The following EAF2 variants were observed in gnomAD, a reference collection of about 807,000 sequenced individuals.
EAF2 encodes ELL-associated factor 2.
In EAF2, 29 loss-of-function variants were observed where a neutral mutation model predicts 29.4. The observed-to-expected ratio is 0.99, with a 90% CI of 0.73 to 1.35. EAF2 has a LOEUF of 1.35. EAF2 is among the 40% of genes most tolerant of loss of function. The pLI is 0.00. For missense variants in EAF2, 292 were observed against 312.0 expected (o/e 0.94, Z 0.48); for synonymous variants, 103 against 102.5 (o/e 1.00, Z -0.03).
intron 2 of EAF2, among the ~76,000 whole-genome samples, chr3:121,848,163 G>A (rs901363585): frequency 1.3e-5 from 2 of 152,144 alleles, no homozygotes; most frequent in South Asian, 2.1e-4. Context: ...TAGAAAAGAT[G>A]CATTTTGGAC....
chr3:121,840,900 G>A (rs1708409401), intron 1 of EAF2, among the ~76,000 whole-genome samples: 1 of 151,678 alleles, frequency 6.6e-6, no homozygotes, highest in Admixed American at 6.6e-5. Flanking sequence ...GAATGGAGAA[G>A]AAATTGAGAT....
At chr3:121,859,480 T>C (rs1576646899) in intron 4 of EAF2, among the ~76,000 whole-genome samples, 3 of 152,294 alleles carry the variant, frequency 2.0e-5, no homozygotes, top group African/African-American at 7.2e-5. Context: ...TTGTTTGTTA[T>C]TGGTGTATAG....
chr3:121,855,088 T>C (rs1708696672), intron 3 of EAF2, among the ~76,000 whole-genome samples: 1 of 152,208 alleles, frequency 6.6e-6, no homozygotes, highest in South Asian at 2.1e-4. Context: ...TAGATACTTC[T>C]GTATAACTGG....
At chr3:121,848,482 G>A (rs1708569961) in intron 2 of EAF2, among the ~76,000 whole-genome samples, 1 of 152,058 alleles carries the variant, frequency 6.6e-6, no homozygotes. Context: ...GAGCATTAAG[G>A]GAATGCAGCA....
chr3:121,843,974 C>G (rs1708477355), intron 1 of EAF2, among the ~76,000 whole-genome samples: 1 of 151,894 alleles, frequency 6.6e-6, no homozygotes, highest in South Asian at 2.1e-4. Flanking sequence ...GAATGACAGA[C>G]AAGTGGTAGT....
chr3:121,856,232 G>A (rs1422723106), intron 3 of EAF2, among the ~76,000 whole-genome samples: 4 of 151,780 alleles, frequency 2.6e-5, no homozygotes, highest in East Asian at 1.9e-4. Flanking sequence ...TAGAACTTAC[G>A]GAATATATCG....
chr3:121,880,995 TG>T (rs1709183569), intron 5 of EAF2, among the ~76,000 whole-genome samples: 1 of 152,242 alleles, frequency 6.6e-6, no homozygotes, highest in African/African-American at 2.4e-5. Context: ...ATATGGTTTT[TG>T]TCCTTCATTA....
intron 4 of EAF2, among the ~76,000 whole-genome samples, chr3:121,859,278 G>C (rs774598934): frequency 6.6e-6 from 1 of 152,022 alleles, no homozygotes; most frequent in Non-Finnish European, 1.5e-5. Flanking sequence ...CCATTTTCAC[G>C]ATATTGACTC....
intron 5 of EAF2, among the ~76,000 whole-genome samples, chr3:121,881,698 A>T (rs1308644791): frequency 6.6e-6 from 1 of 151,882 alleles, no homozygotes; most frequent in Non-Finnish European, 1.5e-5. Context: ...TTTAGTAGAG[A>T]TGGGGTTTCA....
At chr3:121,875,245 T>G (rs981951344) in intron 5 of EAF2, among the ~76,000 whole-genome samples, 5 of 151,642 alleles carry the variant, frequency 3.3e-5, no homozygotes, top group Non-Finnish European at 5.9e-5. Flanking sequence ...AAAAGGAGAC[T>G]GGAAGAAATA....
Position 121,870,531 on chromosome 3 carries a change from C to T in EAF2, c.485-2006C>T, listed in dbSNP as rs562465981. Among the ~76,000 whole-genome samples the T allele has an allele frequency of 3.9e-5, 6 of 152,108 alleles. No homozygotes were observed. In the South Asian group the frequency reaches 8.3e-4, roughly 21 times the overall value. Reference sequence around the variant, plus strand: ...ACTTTTGAGAAGGTTACACTTAAACCGATTCAAGAAGGAGCCAGCCTTTCA... The same window carrying T: ...ACTTTTGAGAAGGTTACACTTAAACTGATTCAAGAAGGAGCCAGCCTTTCA... On this transcript the variant is annotated intron_variant, in intron 4 of 5. Coordinates refer to ENST00000273668, the MANE Select transcript of EAF2 (RefSeq NM_018456.6).
intron 4 of EAF2, among the ~76,000 whole-genome samples, chr3:121,860,161 A>T (rs1015844522): frequency 2.0e-5 from 3 of 152,124 alleles, no homozygotes; most frequent in Non-Finnish European, 4.4e-5. Context: ...CCAGGCTTTC[A>T]TATCAGGATG....
Position 121,851,351 on chromosome 3 carries a change from G to GTTT in EAF2, c.202-3328_202-3326dup, listed in dbSNP as rs34826349. ...CACCACCATGCCCAGCTAATTTTTA[G>GTTT]TTTTTTTTTTGTGGACACAGGTTGT... On this transcript the variant is annotated intron_variant, in intron 2 of 5. Transcript: ENST00000273668. Among the ~76,000 whole-genome samples, 37 of 148,700 alleles carry GTTT rather than the reference G, an allele frequency of 2.5e-4. No homozygotes were observed. The East Asian group carries it at 5.1e-3, about 21-fold the overall frequency.
chr3:121,850,746 G>A (rs1263542650), intron 2 of EAF2, among the ~76,000 whole-genome samples: 1 of 151,962 alleles, frequency 6.6e-6, no homozygotes, highest in African/African-American at 2.4e-5. Context: ...ACCCAGGCTG[G>A]AGTGCAGTGG....
chr3:121,842,572 T>C lies in EAF2; in HGVS notation c.107-1881T>C, dbSNP rs188867696. 2.0e-3 allele frequency among the ~76,000 whole-genome samples: 309 copies of C among 152,318 alleles called. 1 individual carries two copies. Among genetic ancestry groups the C allele is most frequent in the South Asian group, 8.1e-3 (39 of 4,830 alleles). Reference sequence around the variant, plus strand: ...ATGGGGTATTCACTACTTTTCAGGATTGGTGTGAAGCTTCAAAGTAAAAAT... The same window carrying C: ...ATGGGGTATTCACTACTTTTCAGGACTGGTGTGAAGCTTCAAAGTAAAAAT... On this transcript the variant is annotated intron_variant, in intron 1 of 5. Transcript: ENST00000273668.
chr3:121,847,077 T>TTG (rs1576639414), intron 2 of EAF2, among the ~76,000 whole-genome samples: 1 of 152,128 alleles, frequency 6.6e-6, no homozygotes, highest in African/African-American at 2.4e-5. Context: ...GCCTCAGTAT[T>TTG]TGTGTGTGTG....
intron 1 of EAF2, among the ~76,000 whole-genome samples, chr3:121,844,225 T>A (rs768620899): frequency 1.3e-5 from 2 of 152,176 alleles, no homozygotes; most frequent in Admixed American, 6.5e-5. Context: ...AGCATGAGTG[T>A]CAGTAATTCT....
intron 4 of EAF2, among the ~76,000 whole-genome samples, chr3:121,865,073 T>G (rs1425697606): frequency 6.6e-6 from 1 of 152,102 alleles, no homozygotes; most frequent in African/African-American, 2.4e-5. Context: ...AATAGAGGCC[T>G]TAATAAAAGC....
intron 5 of EAF2, among the ~76,000 whole-genome samples, chr3:121,884,312 C>T (rs112691455): frequency 0.11 from 15,451 of 142,716 alleles, 1,086 homozygotes; most frequent in South Asian, 0.23. Flanking sequence ...TGTGCTCTAG[C>T]CTGGGTGACA....
Sources: gnomAD v4.1 joint callset for allele counts (sites outside exome capture counted in the v4.1 genomes callset) on GRCh38, gnomAD v4.1.1 for gene constraint, MANE v1.5 for transcripts, NCBI Gene and HGNC (gene_info 2026-07-23, HGNC 2026-07-21) for gene names.